BICD1: variants seen among roughly 807,000 people sequenced by gnomAD.
The protein encoded by BICD1 is protein bicaudal D homolog 1.
In BICD1, 35 loss-of-function variants were observed where a neutral mutation model predicts 92.5. The observed-to-expected ratio is 0.38, with a 90% CI of 0.29 to 0.50. The LOEUF is 0.50. BICD1 is among the 20% of genes least tolerant of loss of function. The pLI, the probability that BICD1 is intolerant of heterozygous loss-of-function variation, is 0.93. For missense variants in BICD1, 950 were observed against 1,189.8 expected (o/e 0.80, Z 2.97); for synonymous variants, 429 against 465.1 (o/e 0.92, Z 1.00).
intron 3 of BICD1, among the ~76,000 whole-genome samples, chr12:32,294,413 A>G (rs1947805406): frequency 1.3e-5 from 2 of 152,248 alleles, no homozygotes; most frequent in South Asian, 2.1e-4. Context: ...CATTTATTTC[A>G]TAAGTCAAAT....
Position 32,338,884 on chromosome 12 carries a change from C to T in BICD1, c.2669C>T (p.Thr890Ile). The T allele has an allele frequency of 6.2e-7, 1 of 1,610,200 alleles. No individual in the cohort carries two copies. The highest frequency in any genetic ancestry group is 8.5e-7 in the Non-Finnish European group (1 of 1,178,524). ...AGAGTTCCCCCTGATCCCACCTCCA[C>T]AGAATCATTTCTTCTGAAGGGCCCC... is the stretch of plus-strand genomic sequence containing the variant. ...LLRVPPDPTS[T>I]ESFLLKGPPS... The change falls in exon 8 of 10, where the codon ACA becomes ATA. Residue 890 changes from threonine to isoleucine, a missense_variant. Transcript: ENST00000652176.
chr12:32,279,837 C>T (rs140252465), intron 2 of BICD1, among the ~76,000 whole-genome samples: 150 of 152,324 alleles, frequency 9.8e-4, no homozygotes, highest in African/African-American at 3.4e-3. Flanking sequence ...CAGTGGCTTA[C>T]GCCTGTAATC....
At chr12:32,164,805 A>T (rs906157398) in intron 1 of BICD1, among the ~76,000 whole-genome samples, 8 of 152,238 alleles carry the variant, frequency 5.3e-5, no homozygotes, top group African/African-American at 1.9e-4. Context: ...AAGCAGTGTG[A>T]CTACTGGAAG....
Position 32,382,644 on chromosome 12 carries a change from TTGC to T in BICD1, c.*5020_*5022del, listed in dbSNP as rs1249323386. On this transcript the variant is annotated 3_prime_UTR_variant, in exon 10 of 10. Transcript: ENST00000652176. ...GATTATTCCTGTGATTGGAGTTTAA[TTGC>T]TGTAGAACACTTGTTGAGAACACAT... The T allele has an allele frequency of 1.3e-5, 2 of 152,116 alleles. No individual in the cohort carries two copies. Among genetic ancestry groups the T allele is most frequent in the African/African-American group, 4.8e-5 (2 of 41,438 alleles). The allele number at this position is 152,116 out of a possible 1,614,324, so 9.4% of individuals were successfully genotyped here.
At chr12:32,212,936 T>G (rs568264260) in intron 1 of BICD1, among the ~76,000 whole-genome samples, 1 of 152,324 alleles carries the variant, frequency 6.6e-6, no homozygotes, top group East Asian at 1.9e-4. Flanking sequence ...TAACAAAACT[T>G]TCTGATAACT....
chr12:32,208,174 A>G (rs983991304), intron 1 of BICD1, among the ~76,000 whole-genome samples: 3 of 152,256 alleles, frequency 2.0e-5, no homozygotes, highest in Non-Finnish European at 2.9e-5. Flanking sequence ...TAACTGAAAC[A>G]TAGAACTTAA....
rs563101307 is a variant in BICD1 at position 32,306,459 on chromosome 12, T to G, written c.1005+337T>G. On this transcript the variant is annotated intron_variant, in intron 4 of 9. Coordinates refer to ENST00000652176, the MANE Select transcript of BICD1 (RefSeq NM_001714.4). ...CGGGGTTTCACCGTATTAGCCAGGA[T>G]GGTCTCGATCTCCTGACTTCGTGAT... Among the ~76,000 whole-genome samples, 281 of 152,066 alleles carry G rather than the reference T, an allele frequency of 1.8e-3. 1 individual carries two copies. Among genetic ancestry groups the G allele is most frequent in the South Asian group, 3.5e-3 (17 of 4,824 alleles).
At chr12:32,180,482 A>G (rs1944239477) in intron 1 of BICD1, among the ~76,000 whole-genome samples, 1 of 152,028 alleles carries the variant, frequency 6.6e-6, no homozygotes, top group African/African-American at 2.4e-5. Flanking sequence ...TCTGAACTTT[A>G]TCGGATTTCC....
chr12:32,335,229 C>T (rs952921637), intron 6 of BICD1, among the ~76,000 whole-genome samples: 7 of 151,918 alleles, frequency 4.6e-5, no homozygotes, highest in Middle Eastern at 3.2e-3. Context: ...CAGCTCACTG[C>T]AACCTCCGCC....
chr12:32,348,723 A>AATATATATATATATATATATATAT (rs11272207), intron 8 of BICD1, among the ~76,000 whole-genome samples: 1 of 117,964 alleles, frequency 8.5e-6, no homozygotes. Context: ...CTCACACAAA[A>AATATATATATATATATATATATAT]ATATATATAT....
chr12:32,296,705 A>G (rs1836112407), intron 3 of BICD1, among the ~76,000 whole-genome samples: 1 of 152,164 alleles, frequency 6.6e-6, no homozygotes, highest in Non-Finnish European at 1.5e-5. Flanking sequence ...GCATGGTGAG[A>G]GCACGATCAG....
Position 32,183,169 on chromosome 12 carries a change from G to C in BICD1, c.214-33078G>C, listed in dbSNP as rs1944327262. ...TCCCTTCTCGGCCTCCCAAATCCTG[G>C]GATTACAGGGGTGAGCCACCACACC... On this transcript the variant is annotated intron_variant, in intron 1 of 9. Coordinates refer to ENST00000652176, the MANE Select transcript of BICD1 (RefSeq NM_001714.4). Among the ~76,000 whole-genome samples the C allele has an allele frequency of 2.6e-5, 4 of 151,292 alleles. No individual in the cohort carries two copies. The South Asian group carries it at 8.3e-4, about 32-fold the overall frequency.
At chr12:32,179,246 G>A (rs189240468) in intron 1 of BICD1, among the ~76,000 whole-genome samples, 42 of 152,030 alleles carry the variant, frequency 2.8e-4, no homozygotes, top group African/African-American at 9.1e-4. Context: ...AGGCCCCGCC[G>A]CAAGTGATGA....
chr12:32,306,897 T>A (rs1948243602), intron 4 of BICD1, among the ~76,000 whole-genome samples: 1 of 66,774 alleles, frequency 1.5e-5, no homozygotes, highest in Non-Finnish European at 4.0e-5. Context: ...GTGCCTGTAA[T>A]CCCACCTAAC....
chr12:32,274,394 G>A (rs1210927161), intron 2 of BICD1, among the ~76,000 whole-genome samples: 3 of 152,090 alleles, frequency 2.0e-5, no homozygotes, highest in South Asian at 2.1e-4. Context: ...GATAGTCAGG[G>A]TCACAGATAT....
At chr12:32,178,875 C>T (rs1312736206) in intron 1 of BICD1, among the ~76,000 whole-genome samples, 3 of 151,980 alleles carry the variant, frequency 2.0e-5, no homozygotes, top group Admixed American at 6.6e-5. Context: ...TGGCACACTG[C>T]AGGCCGGGCA....
chr12:32,223,255 C>T (rs551669767), intron 2 of BICD1, among the ~76,000 whole-genome samples: 10 of 152,282 alleles, frequency 6.6e-5, no homozygotes, highest in Non-Finnish European at 1.0e-4. Flanking sequence ...TGGTAGCTCA[C>T]GCCTGTAATT....
rs1280466532 is a variant in BICD1 at position 32,382,965 on chromosome 12, C to T, written c.*5338C>T. On this transcript the variant is annotated 3_prime_UTR_variant, in exon 10 of 10. Coordinates refer to ENST00000652176, the MANE Select transcript of BICD1 (RefSeq NM_001714.4). ...ACATTATTCCCACAAAATGTTAAAG[C>T]TCAATGGTTTGACTATGAGAGTCAA... The T allele has an allele frequency of 3.9e-5, 6 of 152,032 alleles. No homozygotes were observed. The highest frequency in any genetic ancestry group is 1.4e-4 in the African/African-American group (6 of 41,422). The allele number at this position is 152,032 out of a possible 1,614,324, so 9.4% of individuals were successfully genotyped here. A position where few individuals can be genotyped will look rare whatever the true frequency, so the allele number is the denominator to read the frequency against.
rs199877174 is a variant in BICD1 at position 32,305,917 on chromosome 12, T to A, written c.800T>A (p.Val267Glu). 6.2e-7 allele frequency: 1 copy of A among 1,614,178 alleles called. No homozygotes were observed. The highest frequency in any genetic ancestry group is 1.7e-5 in the Admixed American group (1 of 60,018). ...AATGATAACCATATCAGCATCTCAG[T>A]AGATGGACTCAAATTTGCCGAGGAT... ...SLNDNHISIS[V>E]DGLKFAEDGS... Residue 267 changes from valine to glutamate, a missense_variant, in exon 4 of 10, where the codon GTA becomes GAA. Physicochemically the swap from Val to Glu is moderately radical, Grantham distance 121. Transcript: ENST00000652176.
Sources: allele counts gnomAD v4.1 joint callset (sites outside exome capture counted in the v4.1 genomes callset), GRCh38; gene constraint gnomAD v4.1.1; transcripts MANE v1.5; gene names NCBI Gene and HGNC (gene_info 2026-07-23, HGNC 2026-07-21).